The following CYB5RL variants were observed in gnomAD, a reference collection of about 807,000 sequenced individuals.
CYB5RL encodes the protein NADH-cytochrome b5 reductase-like.
A neutral mutation model predicts 37.5 loss-of-function variants in CYB5RL; 38 were observed. The ratio of observed to expected loss-of-function variants is 1.01; its 90% CI spans 0.78 to 1.33. CYB5RL has a LOEUF of 1.33. Among genes scored for constraint, CYB5RL ranks in the 40% most tolerant of loss-of-function variants. The pLI, the probability that CYB5RL is intolerant of heterozygous loss-of-function variation, is 0.00. For missense variants in CYB5RL, 388 were observed against 394.4 expected, an observed-to-expected ratio of 0.98 and a Z score of 0.14; for synonymous variants, 141 against 151.9, an observed-to-expected ratio of 0.93 and a Z score of 0.53.
rs200739066 is a variant in CYB5RL, at chr1:54,187,696, T to A, written c.391A>T (p.Ile131Phe). 1.1e-5 allele frequency: 18 copies of A among 1,613,904 alleles called. 1 individual carries two copies. In the Admixed American group the frequency reaches 1.3e-4, roughly 12 times the overall value. ...TATCCTTCTGCGTTGGCAGGGCTGA[T>A]GGGCGTATAGGCTCTCTGAATTTCT... ...DLEIQRAYTP[I>F]SPANAEGYFE... The change falls in exon 5 of 8, where the codon ATC (isoleucine) becomes TTC (phenylalanine). Residue 131 changes from isoleucine (I) to phenylalanine (F), a missense_variant. Ile to Phe is a conservative substitution (Grantham distance 21). Transcript: ENST00000534324.
Position 54,173,228 on chromosome 1 carries a change from T to A in CYB5RL, c.*1391A>T, listed in dbSNP as rs573485922. On this transcript the variant is annotated 3_prime_UTR_variant, in exon 8 of 8. Transcript: ENST00000534324. ...GACACAGCAGAGAGATTTGTTGCCA[T>A]TTTTTTTAGTGGCTAGGAAAATCCT... 6.6e-6 allele frequency: 1 copy of A among 151,956 alleles called. No individual in the cohort carries two copies. Among genetic ancestry groups the A allele is most frequent in the South Asian group, 2.1e-4 (1 of 4,816 alleles). The allele number at this position is 151,956 out of a possible 1,614,324, so 9.4% of individuals were successfully genotyped here.
At chr1:54,191,280 C>T (rs999526542) in intron 3 of CYB5RL, among the ~76,000 whole-genome samples, 4 of 152,216 alleles carry the variant, frequency 2.6e-5, no homozygotes, top group Non-Finnish European at 4.4e-5. Flanking sequence ...TCTTTATTTG[C>T]TCAAGCAGTG....
At chr1:54,176,281 C>G (rs892602166) in intron 7 of CYB5RL, among the ~76,000 whole-genome samples, 4 of 152,224 alleles carry the variant, frequency 2.6e-5, no homozygotes, top group African/African-American at 9.7e-5. Context: ...GCCTGTAATC[C>G]CAGCACTTTG....
chr1:54,174,416 T>G lies in CYB5RL; in HGVS notation c.*203A>C. ...CCCTACAGCCCATCCTCCTTCTACA[T>G]AGTAGGAGGCCAGGAGGAGTGATTA... On this transcript the variant is annotated 3_prime_UTR_variant, in exon 8 of 8. Transcript: ENST00000534324. The G allele has an allele frequency of 3.7e-5, 22 of 595,294 alleles. No individual in the cohort carries two copies. Among genetic ancestry groups the G allele is most frequent in the East Asian group, 6.1e-5 (2 of 32,860 alleles). The allele number at this position is 595,294 out of a possible 1,614,324, so 36.9% of individuals were successfully genotyped here. A position where few individuals can be genotyped will look rare whatever the true frequency, so the allele number is the denominator to read the frequency against.
chr1:54,195,693 G>T lies in CYB5RL; in HGVS notation c.-77C>A. The stretch of plus-strand genomic sequence containing the variant: ...GGCCAGGCTCTATGAGACCACGGGC[G>T]CAGGCCCTGCTCCTTGGCCAGCCTG... On this transcript the variant is annotated 5_prime_UTR_variant, in exon 3 of 8. Transcript: ENST00000534324. 1 of 1,480,154 alleles carries T rather than the reference G, an allele frequency of 6.8e-7. No individual in the cohort carries two copies. The allele number at this position is 1,480,154 out of a possible 1,614,324, so 91.7% of individuals were successfully genotyped here.
chr1:54,181,800 A>G (rs1416642181), intron 6 of CYB5RL, among the ~76,000 whole-genome samples: 1 of 152,178 alleles, frequency 6.6e-6, no homozygotes, highest in East Asian at 1.9e-4. Flanking sequence ...AAAAAATACA[A>G]AACTTAGCTG....
At position 54,179,969 on chromosome 1, in the gene CYB5RL, G is replaced by T. The variant is rs564876385; in HGVS notation, c.541-617C>A. On this transcript the variant is annotated intron_variant, in intron 6 of 7. Transcript: ENST00000534324. ...CTTGAAAAAGGTGAGTTCCCGGCCA[G>T]GAGTGGTGGCTCACACCTATAAACC... is the stretch of plus-strand genomic sequence containing the variant. The T allele has an allele frequency of 7.3e-5, 33 of 453,948 alleles. 1 individual carries two copies. The East Asian group carries it at 9.0e-4, about 12-fold the overall frequency. The allele number at this position is 453,948 out of a possible 1,614,324, so 28.1% of individuals were successfully genotyped here. A position where few individuals can be genotyped will look rare whatever the true frequency, so the allele number is the denominator to read the frequency against.
chr1:54,180,332 A>G (rs1318739518), intron 6 of CYB5RL: 1 of 354,084 alleles, frequency 2.8e-6, no homozygotes, highest in Non-Finnish European at 5.5e-6. Context: ...GGCCTCTTAA[A>G]GAGGGGTGAA....
At chr1:54,191,198 T>C (rs1181885239) in intron 3 of CYB5RL, among the ~76,000 whole-genome samples, 1 of 152,204 alleles carries the variant, frequency 6.6e-6, no homozygotes, top group Non-Finnish European at 1.5e-5. Flanking sequence ...TGCCTCATTT[T>C]ATCTCCCAGG....
intron 5 of CYB5RL, chr1:54,184,468 A>G (rs1455620733): frequency 1.9e-6 from 1 of 534,250 alleles, no homozygotes; most frequent in Non-Finnish European, 3.3e-6. Context: ...GAAGGCAGAC[A>G]GGAGGCTGGG....
intron 5 of CYB5RL, among the ~76,000 whole-genome samples, chr1:54,186,484 T>C (rs938434772): frequency 1.1e-4 from 17 of 152,206 alleles, no homozygotes; most frequent in African/African-American, 4.1e-4. Flanking sequence ...ATTTCTGGCT[T>C]TTCCTAGCCA....
At chr1:54,194,941 T>C (rs1643992738) in intron 3 of CYB5RL, among the ~76,000 whole-genome samples, 1 of 152,178 alleles carries the variant, frequency 6.6e-6, no homozygotes, top group Non-Finnish European at 1.5e-5. Context: ...GTCCAGACTA[T>C]GAAGTCCCGG....
Position 54,174,675 on chromosome 1 carries a change from T to C in CYB5RL, c.892A>G (p.Ile298Val), listed in dbSNP as rs2100454830. 6.2e-7 allele frequency: 1 copy of C among 1,613,628 alleles called. No individual in the cohort carries two copies. Among genetic ancestry groups the C allele is most frequent in the Non-Finnish European group, 8.5e-7 (1 of 1,179,748 alleles). The change falls in exon 8 of 8, where the codon ATA becomes GTA. Residue 298 changes from isoleucine (I) to valine (V), a missense_variant. Ile to Val is a conservative substitution (Grantham distance 29, BLOSUM62 3). Coordinates refer to ENST00000534324, the MANE Select transcript of CYB5RL (RefSeq NM_001031672.4). ...CCTGCGCACAGTAAGCACCTGGCTA[T>C]GTCTTTGGTGAACTCAGCCGAGCCA... ...VCGSAEFTKD[I>V]ARCLLCAGLT... is the part of the protein sequence containing the mutation.
In CYB5RL at chr1:54,179,324, C is replaced by A. The variant is rs1258728795; in HGVS notation, c.569G>T (p.Gly190Val). Reference sequence around the variant, plus strand: ...AGGCACCATGGGGGCCAGGCCCGTGCCCGCAGCCAGCAAGAGGAGCTCACC... The same window carrying A: ...AGGCACCATGGGGGCCAGGCCCGTGACCGCAGCCAGCAAGAGGAGCTCACC... ...QYGELLLLAA[G>V]TGLAPMVPIL... Residue 190 changes from glycine to valine, a missense_variant, in exon 7 of 8, where the codon GGC (glycine) becomes GTC (valine). Coordinates refer to ENST00000534324, the MANE Select transcript of CYB5RL (RefSeq NM_001031672.4). 1.9e-6 allele frequency: 3 copies of A among 1,613,486 alleles called. No individual in the cohort carries two copies. Among genetic ancestry groups the A allele is most frequent in the South Asian group, 2.2e-5 (2 of 91,000 alleles).
intron 4 of CYB5RL, among the ~76,000 whole-genome samples, chr1:54,189,669 G>T (rs1643932288): frequency 6.6e-6 from 1 of 152,204 alleles, no homozygotes; most frequent in African/African-American, 2.4e-5. Flanking sequence ...CAGCCTGGAG[G>T]CAGGGAGTTC....
intron 7 of CYB5RL, chr1:54,175,769 T>G (rs1264145579): frequency 3.4e-6 from 1 of 293,632 alleles, no homozygotes; most frequent in Non-Finnish European, 7.1e-6. Context: ...TACATTGTAT[T>G]AGGTATTATA....
At chr1:54,196,065 T>C (rs566433492) in intron 2 of CYB5RL, among the ~76,000 whole-genome samples, 152 of 152,340 alleles carry the variant, frequency 1.0e-3, no homozygotes, top group African/African-American at 3.5e-3. Flanking sequence ...TAGCTTGGCA[T>C]ATGGAAGAAA....
intron 6 of CYB5RL, chr1:54,180,096 G>C (rs1660119337): frequency 4.6e-6 from 2 of 439,158 alleles, no homozygotes; most frequent in African/African-American, 2.0e-5. Context: ...AATTAGCCAA[G>C]CGTGGTGGTG....
chr1:54,191,859 G>T (rs1226089495), intron 3 of CYB5RL, among the ~76,000 whole-genome samples: 2 of 152,206 alleles, frequency 1.3e-5, no homozygotes, highest in African/African-American at 2.4e-5. Flanking sequence ...GCTTTGGAAA[G>T]AACACTGGAC....
Sources: allele counts gnomAD v4.1 joint callset (sites outside exome capture counted in the v4.1 genomes callset), GRCh38; gene constraint gnomAD v4.1.1; transcripts MANE v1.5; gene names NCBI Gene and HGNC (gene_info 2026-07-23, HGNC 2026-07-21).